The following TXLNB variants were observed in gnomAD, a reference collection of about 807,000 sequenced individuals.
The protein encoded by TXLNB is taxilin beta.
A neutral mutation model predicts 57.4 loss-of-function variants in TXLNB; 37 were observed. That is an observed-to-expected ratio of 0.64 (90% CI 0.50 to 0.85). The LOEUF is 0.85. Ranked by LOEUF, TXLNB falls within the 40% of genes least tolerant of loss-of-function variation. The pLI, the probability that TXLNB is intolerant of heterozygous loss-of-function variation, is 0.00. For missense variants in TXLNB, 848 were observed against 825.6 expected, an observed-to-expected ratio of 1.03 and a Z score of -0.33; for synonymous variants, 302 against 309.6, an observed-to-expected ratio of 0.98 and a Z score of 0.26.
chr6:139,189,136 A>G, the TXLNB span, among the ~76,000 whole-genome samples: 1 of 152,234 alleles, frequency 6.6e-6, no homozygotes, highest in Non-Finnish European at 1.5e-5. Context: ...ACAGTAAGCA[A>G]TCATATGATG....
At chr6:139,293,194 C>T (rs936857137), upstream of TXLNB, among the ~76,000 whole-genome samples, 1 of 152,078 alleles carries the variant, frequency 6.6e-6, no homozygotes, top group Non-Finnish European at 1.5e-5. Context: ...CGGGTTCAAG[C>T]GATTCTCCTC....
At chr6:139,231,969 G>A in the TXLNB span, among the ~76,000 whole-genome samples, 1 of 152,214 alleles carries the variant, frequency 6.6e-6, no homozygotes, top group African/African-American at 2.4e-5. Context: ...ACAATAGTCT[G>A]ACTGTGAGGA....
the TXLNB span, among the ~76,000 whole-genome samples, chr6:139,187,679 G>T: frequency 6.6e-6 from 1 of 152,188 alleles, no homozygotes; most frequent in South Asian, 2.1e-4. Context: ...TGCAGATGGT[G>T]CCTGATAGCG....
chr6:139,298,641 C>A, the TXLNB span, among the ~76,000 whole-genome samples: 1 of 152,160 alleles, frequency 6.6e-6, no homozygotes, highest in Non-Finnish European at 1.5e-5. Context: ...CAATGACATT[C>A]CCCTAAAGCA....
the TXLNB span, among the ~76,000 whole-genome samples, chr6:139,198,542 A>G: frequency 6.6e-6 from 1 of 152,116 alleles, no homozygotes; most frequent in Non-Finnish European, 1.5e-5. Flanking sequence ...TTCCTTTTGC[A>G]GCCCTCTCCC....
At chr6:139,212,314 G>A in the TXLNB span, among the ~76,000 whole-genome samples, 1 of 152,150 alleles carries the variant, frequency 6.6e-6, no homozygotes, top group East Asian at 1.9e-4. Context: ...AGAGAGTGGG[G>A]GCCAATATTC....
chr6:139,256,909 A>G (rs1020661374), intron 6 of TXLNB, among the ~76,000 whole-genome samples: 2 of 152,238 alleles, frequency 1.3e-5, no homozygotes, highest in Non-Finnish European at 2.9e-5. Flanking sequence ...TTACATTTTG[A>G]GAAGTATGGG....
the TXLNB span, among the ~76,000 whole-genome samples, chr6:139,212,469 C>T: frequency 2.0e-5 from 3 of 152,182 alleles, no homozygotes; most frequent in African/African-American, 7.2e-5. Flanking sequence ...AAAAGAGTTC[C>T]TGAAGGAAGC....
Position 139,283,726 on chromosome 6 carries a change from G to C in TXLNB, c.424+4750C>G, listed in dbSNP as rs574521045. On this transcript the variant is annotated intron_variant, in intron 2 of 9. Coordinates refer to ENST00000358430, the MANE Select transcript of TXLNB (RefSeq NM_153235.4). ...GGCAGTAAAGAAACTGTTTAACTTT[G>C]TGAAATCTCAAGCATCCCAAAGTAG... Among the ~76,000 whole-genome samples, 12 of 145,894 alleles carry C rather than the reference G, an allele frequency of 8.2e-5. 3 individuals carry two copies. Among genetic ancestry groups the C allele is most frequent in the Non-Finnish European group, 1.4e-4 (9 of 65,500 alleles).
the TXLNB span, among the ~76,000 whole-genome samples, chr6:139,204,357 A>G: frequency 6.6e-6 from 1 of 152,048 alleles, no homozygotes; most frequent in African/African-American, 2.4e-5. Flanking sequence ...CTCCCAGCCT[A>G]ATGTCCTAAT....
chr6:139,267,105 T>A (rs1057208542), intron 4 of TXLNB, among the ~76,000 whole-genome samples: 1 of 152,024 alleles, frequency 6.6e-6, no homozygotes, highest in Admixed American at 6.6e-5. Context: ...AGCAGATTTG[T>A]ACTATAAGAA....
intron 2 of TXLNB, among the ~76,000 whole-genome samples, chr6:139,280,031 G>A (rs1411142738): frequency 6.6e-6 from 1 of 152,058 alleles, no homozygotes; most frequent in Non-Finnish European, 1.5e-5. Context: ...GAGGCGGGCA[G>A]ATCACGAGGT....
chr6:139,273,304 A>G (rs138110335), intron 3 of TXLNB, among the ~76,000 whole-genome samples: 3 of 152,252 alleles, frequency 2.0e-5, no homozygotes, highest in Non-Finnish European at 4.4e-5. Flanking sequence ...AGACATGCCT[A>G]TTGTCGCCTG....
At chr6:139,194,162 T>G in the TXLNB span, among the ~76,000 whole-genome samples, 1 of 152,078 alleles carries the variant, frequency 6.6e-6, no homozygotes, top group South Asian at 2.1e-4. Flanking sequence ...AGGATGGTCT[T>G]GATCTCTTGT....
chr6:139,185,220 A>C, the TXLNB span, among the ~76,000 whole-genome samples: 1 of 152,072 alleles, frequency 6.6e-6, no homozygotes, highest in African/African-American at 2.4e-5. Flanking sequence ...TCACAAAGTT[A>C]CCCACCACAA....
chr6:139,166,894 C>T, the TXLNB span: 237 of 1,613,990 alleles, frequency 1.5e-4, no homozygotes, highest in African/African-American at 1.7e-3. Flanking sequence ...CCAGATACCT[C>T]GGGGAGTTCT....
At chr6:139,247,141 G>T (rs888203571) in intron 8 of TXLNB, among the ~76,000 whole-genome samples, 8 of 151,798 alleles carry the variant, frequency 5.3e-5, no homozygotes, top group East Asian at 1.9e-4. Flanking sequence ...AAGTTTTTTG[G>T]TTTTTTGTGT....
At chr6:139,260,236 A>G in intron 6 of TXLNB, 82 bp downstream of exon 6, 1 of 1,459,114 alleles carries the variant, frequency 6.9e-7, no homozygotes, top group Non-Finnish European at 9.2e-7. Flanking sequence ...ATAAATAAAT[A>G]AATAAATACA....
Position 139,241,098 on chromosome 6 carries a change from C to CAATGTT in TXLNB, c.*1422_*1427dup, listed in dbSNP as rs1340500591. On this transcript the variant is annotated 3_prime_UTR_variant, in exon 10 of 10. Coordinates refer to ENST00000358430, the MANE Select transcript of TXLNB (RefSeq NM_153235.4). ...AGTATCATTAGAGGTTCTCATCAAG[C>CAATGTT]AATGTTAATGTAATACTCATGTTGA... The CAATGTT allele has an allele frequency of 6.6e-6, 1 of 152,116 alleles. No homozygotes were observed. Among genetic ancestry groups the CAATGTT allele is most frequent in the African/African-American group, 2.4e-5 (1 of 41,396 alleles). The allele number at this position is 152,116 out of a possible 1,614,324, so 9.4% of individuals were successfully genotyped here.
Sources: gnomAD v4.1 joint callset for allele counts (sites outside exome capture counted in the v4.1 genomes callset) on GRCh38, gnomAD v4.1.1 for gene constraint, MANE v1.5 for transcripts, NCBI Gene and HGNC (gene_info 2026-07-23, HGNC 2026-07-21) for gene names.